DDX4: variants seen among roughly 807,000 people sequenced by gnomAD.
The protein encoded by DDX4 is DEAD-box helicase 4.
Under a neutral mutation model 100.0 loss-of-function variants are expected in DDX4, and 25 were observed. The ratio of observed to expected loss-of-function variants is 0.25; its 90% CI spans 0.18 to 0.35. DDX4 has a LOEUF of 0.35. DDX4 is among the 10% of genes least tolerant of loss of function. The pLI is 1.00. For synonymous variants in DDX4, 259 were observed against 275.7 expected (o/e 0.94, Z 0.60); for missense variants, 635 against 882.4 (o/e 0.72, Z 3.55).
chr5:55,739,302 C>T (rs1758857279), intron 2 of DDX4, among the ~76,000 whole-genome samples: 1 of 152,160 alleles, frequency 6.6e-6, no homozygotes, highest in African/African-American at 2.4e-5. Context: ...CAGGTGAAAG[C>T]AAACTTGGGC....
chr5:55,758,298 C>T (rs1760070590), intron 3 of DDX4, among the ~76,000 whole-genome samples: 1 of 151,918 alleles, frequency 6.6e-6, no homozygotes, highest in East Asian at 1.9e-4. Context: ...TATATTTTAT[C>T]CATTCAGTTT....
chr5:55,792,604 T>C lies in DDX4; in HGVS notation c.1303-37T>C, dbSNP rs927634127. The C allele has an allele frequency of 6.3e-6, 7 of 1,106,092 alleles. No individual in the cohort carries two copies. In the African/African-American group the frequency reaches 8.1e-5, roughly 13 times the overall value. 68.5% of individuals were successfully genotyped at this position (1,106,092 alleles called of 1,614,324 possible). On this transcript the variant is annotated intron_variant, in intron 16 of 21. Coordinates refer to ENST00000505374, the MANE Select transcript of DDX4 (RefSeq NM_024415.3). ...GAGAATAGTTTAATATAAACTAATA[T>C]GCATTTTCTGTTTTACCTTTGAAAA...
At chr5:55,790,138 CTTTTTTTTTTTT>C (rs35365600) in intron 15 of DDX4, among the ~76,000 whole-genome samples, 2 of 102,028 alleles carry the variant, frequency 2.0e-5, no homozygotes, top group African/African-American at 7.7e-5. Flanking sequence ...AAAATATCAC[CTTTTTTTTTTTT>C]TTTTTTTTTT....
Position 55,804,840 on chromosome 5 carries a change from G to T in DDX4, c.1615+6269G>T, listed in dbSNP as rs1379831409. Among the ~76,000 whole-genome samples, 9 of 152,174 alleles carry T rather than the reference G, an allele frequency of 5.9e-5. No homozygotes were observed. The South Asian group carries it at 8.3e-4, about 14-fold the overall frequency. ...TGGTTCCATATGAACTTTAAAGTTG[G>T]TTTTTCCAATTCTGTGAAGAAAGGC... On this transcript the variant is annotated intron_variant, in intron 18 of 21. Transcript: ENST00000505374.
intron 18 of DDX4, among the ~76,000 whole-genome samples, chr5:55,808,496 G>T (rs937214848): frequency 1.3e-5 from 2 of 152,146 alleles, no homozygotes; most frequent in Non-Finnish European, 2.9e-5. Flanking sequence ...TGGGGTTTTG[G>T]TGTGGATGTC....
rs143768734 is a variant in DDX4, at chr5:55,740,016, T to C, written c.69+984T>C. Reference sequence around the variant, plus strand: ...GTGTTGGGATTACAGGCGCAAGCCATTGCACCTGGACTGTGTTATCTTTTT... The same window carrying C: ...GTGTTGGGATTACAGGCGCAAGCCACTGCACCTGGACTGTGTTATCTTTTT... On this transcript the variant is annotated intron_variant, in intron 2 of 21. Coordinates refer to ENST00000505374, the MANE Select transcript of DDX4 (RefSeq NM_024415.3). Among the ~76,000 whole-genome samples the C allele has an allele frequency of 2.2e-3, 329 of 152,286 alleles. 1 individual carries two copies. The highest frequency in any genetic ancestry group is 6.0e-3 in the African/African-American group (248 of 41,542).
chr5:55,739,414 G>C (rs985938083), intron 2 of DDX4, among the ~76,000 whole-genome samples: 5 of 152,192 alleles, frequency 3.3e-5, no homozygotes, highest in African/African-American at 1.2e-4. Flanking sequence ...TTTGTGCAAG[G>C]AGGGTTCTCA....
intron 4 of DDX4, among the ~76,000 whole-genome samples, chr5:55,761,170 T>C (rs776648064): frequency 2.6e-5 from 4 of 152,180 alleles, no homozygotes; most frequent in Non-Finnish European, 4.4e-5. Context: ...TATTCAAATA[T>C]ACACATATAT....
At chr5:55,750,230 T>C in intron 3 of DDX4, 1 of 158,160 alleles carries the variant, frequency 6.3e-6, no homozygotes, top group East Asian at 1.9e-4. Context: ...GTGGGCTTCC[T>C]CCCCTTCAGT....
intron 17 of DDX4, 21 bp downstream of exon 17, chr5:55,792,828 A>T (rs1364369872): frequency 1.5e-6 from 2 of 1,293,014 alleles, no homozygotes; most frequent in African/African-American, 3.1e-5. Flanking sequence ...TTTCTTAAAA[A>T]TAATTTAATT....
chr5:55,742,283 C>T, intron 2 of DDX4: 1 of 454,162 alleles, frequency 2.2e-6, no homozygotes, highest in Non-Finnish European at 4.4e-6. Context: ...CCGTTGCTTA[C>T]TTACTAGCTG....
At chr5:55,760,149 T>TA in intron 3 of DDX4, 51 bp from the exon 4 acceptor site, 1 of 1,545,974 alleles carries the variant, frequency 6.5e-7, no homozygotes, top group Non-Finnish European at 8.7e-7. Flanking sequence ...GGTTTGCAAG[T>TA]ACTAGATACT....
chr5:55,813,472 C>T (rs1396096015), intron 18 of DDX4, among the ~76,000 whole-genome samples: 1 of 152,076 alleles, frequency 6.6e-6, no homozygotes, highest in African/African-American at 2.4e-5. Context: ...TTTTTAAATC[C>T]CTCAACTAGG....
chr5:55,765,395 T>TAAAA (rs57279452), intron 6 of DDX4, among the ~76,000 whole-genome samples: 4 of 87,608 alleles, frequency 4.6e-5, no homozygotes, highest in African/African-American at 1.8e-4. Context: ...TTAGTTCCCC[T>TAAAA]AAAAAAAAAA....
chr5:55,755,030 A>G (rs566375241), intron 3 of DDX4, among the ~76,000 whole-genome samples: 8 of 152,136 alleles, frequency 5.3e-5, no homozygotes, highest in South Asian at 2.1e-4. Flanking sequence ...CTTTTTTTCA[A>G]TATGGTGAGA....
Position 55,790,639 on chromosome 5 carries a change from A to G in DDX4, c.1236A>G (p.Ile412Met). 1 of 1,608,034 alleles carries G rather than the reference A, an allele frequency of 6.2e-7. No individual in the cohort carries two copies. The highest frequency in any genetic ancestry group is 8.5e-7 in the Non-Finnish European group (1 of 1,174,506). Residue 412 changes from isoleucine to methionine, a missense_variant, in exon 16 of 22, where the codon ATA (isoleucine) becomes ATG (methionine). Coordinates refer to ENST00000505374, the MANE Select transcript of DDX4 (RefSeq NM_024415.3). Reference protein sequence around the residue: ...GTQLGHSIRQIVQGCNILCAT... With the variant: ...GTQLGHSIRQMVQGCNILCAT... ...AGCTGGGACATTCAATTCGACAAAT[A>G]GTACAAGGCTGTAATATATTATGTG...
intron 2 of DDX4, among the ~76,000 whole-genome samples, chr5:55,740,822 A>G (rs186161029): frequency 1.5e-4 from 23 of 152,178 alleles, no homozygotes; most frequent in African/African-American, 5.1e-4. Flanking sequence ...ACCCAGCCAT[A>G]TAACAGTAAC....
At chr5:55,812,300 G>A (rs1580614167) in intron 18 of DDX4, among the ~76,000 whole-genome samples, 1 of 152,218 alleles carries the variant, frequency 6.6e-6, no homozygotes, top group African/African-American at 2.4e-5. Flanking sequence ...GGTGGTTCAC[G>A]CCTGTAATCC....
chr5:55,744,263 GT>G (rs1442305493), intron 2 of DDX4, among the ~76,000 whole-genome samples: 1 of 152,174 alleles, frequency 6.6e-6, no homozygotes, highest in Non-Finnish European at 1.5e-5. Flanking sequence ...TTGGGACTTA[GT>G]TAAATGAACT....
Sources: gnomAD v4.1 joint callset for allele counts (sites outside exome capture counted in the v4.1 genomes callset) on GRCh38, gnomAD v4.1.1 for gene constraint, MANE v1.5 for transcripts, NCBI Gene and HGNC (gene_info 2026-07-23, HGNC 2026-07-21) for gene names.